TEAD1: variants seen among roughly 807,000 people sequenced by gnomAD.
TEAD1 encodes the protein transcriptional enhancer factor TEF-1.
TEAD1 carries 9 observed loss-of-function variants against 54.9 expected under a neutral mutation model. The observed-to-expected ratio is 0.16, with a 90% CI of 0.10 to 0.29. The LOEUF is 0.29. Ranked by LOEUF, TEAD1 falls within the 10% of genes least tolerant of loss-of-function variation. TEAD1 has a pLI of 1.00. For synonymous variants in TEAD1, 200 were observed against 187.8 expected (o/e 1.07, Z -0.53); for missense variants, 387 against 535.9 (o/e 0.72, Z 2.74).
chr11:12,915,776 C>T (rs1026360473), intron 10 of TEAD1, among the ~76,000 whole-genome samples: 5 of 152,088 alleles, frequency 3.3e-5, no homozygotes, highest in Admixed American at 6.6e-5. Flanking sequence ...CCCAGAAGGT[C>T]GAGGTTGCAG....
At chr11:12,843,343 A>G (rs1947077690) in intron 3 of TEAD1, among the ~76,000 whole-genome samples, 1 of 152,246 alleles carries the variant, frequency 6.6e-6, no homozygotes, top group Admixed American at 6.5e-5. Flanking sequence ...GTAGCACTCT[A>G]TTCAAAGTAG....
At position 12,882,986 on chromosome 11, in the gene TEAD1, C is replaced by T. The variant is rs199585076; in HGVS notation, c.575-15C>T. 21 of 1,614,006 alleles carry T rather than the reference C, an allele frequency of 1.3e-5. No individual in the cohort carries two copies. Among genetic ancestry groups the T allele is most frequent in the African/African-American group, 8.0e-5 (6 of 74,904 alleles). Reference sequence around the variant, plus strand: ...GGTGAGTGACCAGCATCAAAGGTGACGATTGCTCTTTCAGGGTTTGAGCCT... The same window carrying T: ...GGTGAGTGACCAGCATCAAAGGTGATGATTGCTCTTTCAGGGTTTGAGCCT... On this transcript the variant is annotated splice_polypyrimidine_tract_variant and intron_variant, in intron 8 of 12. Transcript: ENST00000527636.
Position 12,757,078 on chromosome 11 carries a change from A to G in TEAD1, c.-54-7101A>G, listed in dbSNP as rs143776492. ...GTCCACTATAAATACCATTCCAACC[A>G]TGTGATTCTCTTTCTAGAAACCCTG... On this transcript the variant is annotated intron_variant, in intron 2 of 12. Coordinates refer to ENST00000527636, the MANE Select transcript of TEAD1 (RefSeq NM_021961.6). 8.7e-4 allele frequency among the ~76,000 whole-genome samples: 133 copies of G among 152,334 alleles called. 1 individual carries two copies. Among genetic ancestry groups the G allele is most frequent in the Non-Finnish European group, 1.4e-3 (98 of 68,028 alleles).
At chr11:12,684,802 G>A (rs568836291) in intron 2 of TEAD1, among the ~76,000 whole-genome samples, 5 of 152,286 alleles carry the variant, frequency 3.3e-5, no homozygotes, top group South Asian at 2.1e-4. Flanking sequence ...CCTAAGACTC[G>A]CTTCCTCTGG....
intron 10 of TEAD1, among the ~76,000 whole-genome samples, chr11:12,920,946 G>A (rs977624093): frequency 2.0e-5 from 3 of 152,150 alleles, no homozygotes; most frequent in East Asian, 1.9e-4. Context: ...TCAAATGGCT[G>A]TACTTTATAG....
chr11:12,875,623 G>T (rs7111109), intron 5 of TEAD1, among the ~76,000 whole-genome samples: 4,188 of 152,274 alleles, frequency 0.028, 209 homozygotes, highest in African/African-American at 0.097. Context: ...AGTCAGAGTA[G>T]CTCGACCACA....
At chr11:12,776,010 T>G (rs1945411053) in intron 3 of TEAD1, among the ~76,000 whole-genome samples, 1 of 150,836 alleles carries the variant, frequency 6.6e-6, no homozygotes, top group African/African-American at 2.5e-5. Flanking sequence ...AGGGTCACAG[T>G]GGGCAGGGAG....
intron 2 of TEAD1, among the ~76,000 whole-genome samples, chr11:12,743,732 T>C (rs1944691149): frequency 6.6e-6 from 1 of 152,054 alleles, no homozygotes; most frequent in Non-Finnish European, 1.5e-5. Flanking sequence ...ATGAAACAGA[T>C]TTAAGGTGGG....
At chr11:12,675,836 C>G (rs961007627) in intron 2 of TEAD1, among the ~76,000 whole-genome samples, 1 of 152,170 alleles carries the variant, frequency 6.6e-6, no homozygotes, top group Non-Finnish European at 1.5e-5. Flanking sequence ...AAATCCAGAT[C>G]AGAATTTTCT....
chr11:12,678,675 T>A (rs764148294), intron 2 of TEAD1, among the ~76,000 whole-genome samples: 1 of 152,216 alleles, frequency 6.6e-6, no homozygotes, highest in Non-Finnish European at 1.5e-5. Flanking sequence ...GCTTCCCTCT[T>A]CTTGGGATAG....
In TEAD1 at chr11:12,937,144, C is replaced by G; in HGVS notation, c.1203C>G (p.Leu401=). ...ACAGGGATACACAAGAAACTCTACTCTGCATGGCCTGTGTGTTTGAAGTTT... is the reference window on the plus strand; with the variant it reads ...ACAGGGATACACAAGAAACTCTACTGTGCATGGCCTGTGTGTTTGAAGTTT... The change falls in exon 13 of 13, where the codon CTC becomes CTG. Residue 401 remains leucine, a synonymous_variant. Transcript: ENST00000527636. The G allele has an allele frequency of 1.2e-6, 2 of 1,613,964 alleles. No individual in the cohort carries two copies. The highest frequency in any genetic ancestry group is 1.7e-6 in the Non-Finnish European group (2 of 1,179,960).
chr11:12,919,556 A>C (rs538861890), intron 10 of TEAD1, among the ~76,000 whole-genome samples: 6 of 152,046 alleles, frequency 3.9e-5, no homozygotes, highest in Non-Finnish European at 7.4e-5. Flanking sequence ...GCAGTGGTAC[A>C]AATCATGGCT....
At chr11:12,822,492 C>T (rs1452747579) in intron 3 of TEAD1, 1 of 152,236 alleles carries the variant, frequency 6.6e-6, no homozygotes, top group African/African-American at 2.4e-5. Flanking sequence ...ATAATTTATT[C>T]TAAGCTTCCC....
chr11:12,766,215 A>G (rs1945204568), intron 3 of TEAD1, among the ~76,000 whole-genome samples: 1 of 152,254 alleles, frequency 6.6e-6, no homozygotes. Context: ...GGCTGAGAAC[A>G]TAATTCAAAG....
At chr11:12,838,164 TAAC>T (rs1420917630) in intron 3 of TEAD1, among the ~76,000 whole-genome samples, 1 of 152,180 alleles carries the variant, frequency 6.6e-6, no homozygotes, top group African/African-American at 2.4e-5. Context: ...TGAGACCTAA[TAAC>T]AGAAGTTCTG....
intron 5 of TEAD1, among the ~76,000 whole-genome samples, chr11:12,869,094 G>T (rs2134078121): frequency 6.6e-6 from 1 of 152,280 alleles, no homozygotes; most frequent in Middle Eastern, 3.4e-3. Context: ...GGTAAGACTG[G>T]AGGAGCCTAA....
intron 3 of TEAD1, among the ~76,000 whole-genome samples, chr11:12,837,738 C>CTTCTTCCTCCTCTTCCT (rs1184011405): frequency 6.8e-6 from 1 of 147,886 alleles, no homozygotes; most frequent in African/African-American, 2.5e-5. Context: ...TTCTCCTCCT[C>CTTCTTCCTCCTCTTCCT]CTTCTTCTTC....
intron 5 of TEAD1, among the ~76,000 whole-genome samples, chr11:12,866,358 C>G (rs1440553284): frequency 6.6e-6 from 1 of 152,098 alleles, no homozygotes; most frequent in Non-Finnish European, 1.5e-5. Flanking sequence ...CTGTGTGGTT[C>G]CTGTGGACTC....
At chr11:12,702,803 A>G (rs967755288) in intron 2 of TEAD1, among the ~76,000 whole-genome samples, 3 of 152,144 alleles carry the variant, frequency 2.0e-5, no homozygotes, top group African/African-American at 4.8e-5. Context: ...CTGCATCATC[A>G]TCACCATCAT....
Sources: gnomAD v4.1 joint callset for allele counts (sites outside exome capture counted in the v4.1 genomes callset) on GRCh38, gnomAD v4.1.1 for gene constraint, MANE v1.5 for transcripts, NCBI Gene and HGNC (gene_info 2026-07-23, HGNC 2026-07-21) for gene names.